Variants in CCDC195 observed in about 807,000 individuals in gnomAD.
The protein encoded by CCDC195 is coiled-coil domain containing 195, also known as coiled-coil domain-containing protein 195.
At chr2:224,707,300 A>G (rs1689228011) in intron 2 of CCDC195, among the ~76,000 whole-genome samples, 1 of 152,254 alleles carries the variant, frequency 6.6e-6, no homozygotes, top group Non-Finnish European at 1.5e-5. Flanking sequence ...GGAATCGGGT[A>G]GAAGGCCACC....
chr2:224,710,619 CAA>C (rs886284149), intron 1 of CCDC195, among the ~76,000 whole-genome samples: 11 of 152,204 alleles, frequency 7.2e-5, no homozygotes, highest in Admixed American at 3.9e-4. Flanking sequence ...GCCTGGGTGA[CAA>C]GAGGGAAACT....
chr2:224,710,003 C>T (rs892595701), exon 2 of CCDC195: 3 of 398,484 alleles, frequency 7.5e-6, no homozygotes, highest in African/African-American at 6.2e-5. Flanking sequence ...AGGAGAAGCT[C>T]TTTGGCTGGT....
chr2:224,706,667 C>T (rs1033584203), intron 2 of CCDC195, among the ~76,000 whole-genome samples: 8 of 151,012 alleles, frequency 5.3e-5, no homozygotes, highest in South Asian at 2.1e-4. Context: ...CCCACCACCA[C>T]GCCTGGCTAA....
intron 1 of CCDC195, among the ~76,000 whole-genome samples, chr2:224,711,794 G>A (rs958571310): frequency 1.3e-5 from 2 of 152,208 alleles, no homozygotes; most frequent in African/African-American, 4.8e-5. Flanking sequence ...GGTGGAGGCT[G>A]TTTCGGCTTT....
chr2:224,710,785 C>G (rs1404262046), intron 1 of CCDC195, among the ~76,000 whole-genome samples: 1 of 152,138 alleles, frequency 6.6e-6, no homozygotes, highest in African/African-American at 2.4e-5. Flanking sequence ...ATGTGGAAGA[C>G]AGACAGTAAA....
At chr2:224,712,559 G>A (rs1038651588) in intron 1 of CCDC195, among the ~76,000 whole-genome samples, 2 of 152,062 alleles carry the variant, frequency 1.3e-5, no homozygotes, top group Non-Finnish European at 2.9e-5. Flanking sequence ...GTGACTTCAG[G>A]GGAAGTAGGG....
chr2:224,703,912 G>T lies in CCDC195; in HGVS notation c.483-25C>A, dbSNP rs191015469. The stretch of plus-strand genomic sequence containing the variant: ...CCTACAGGAAGCAAAATAAAGGGAA[G>T]AAAAAGACTTTTTAGTGAGACTTTA... On this transcript the variant is annotated intron_variant, in intron 2 of 2. Transcript: ENST00000638102. 1.6e-4 allele frequency: 64 copies of T among 398,396 alleles called. 1 individual carries two copies. The highest frequency in any genetic ancestry group is 1.2e-3 in the African/African-American group (59 of 48,720). 24.7% of individuals were successfully genotyped at this position (398,396 alleles called of 1,614,324 possible). A position where few individuals can be genotyped will look rare whatever the true frequency, so the allele number is the denominator to read the frequency against.
At chr2:224,704,784 G>A (rs1224396678) in intron 2 of CCDC195, among the ~76,000 whole-genome samples, 1 of 151,994 alleles carries the variant, frequency 6.6e-6, no homozygotes, top group Non-Finnish European at 1.5e-5. Context: ...CACCATGCTG[G>A]CTAATTTTTG....
chr2:224,716,173 C>G, exon 1 of CCDC195: 1 of 398,702 alleles, frequency 2.5e-6, no homozygotes, highest in Non-Finnish European at 4.4e-6. Context: ...GTGGAAACGG[C>G]ACCCTGAAGG....
chr2:224,710,768 CCTT>C (rs1288302516), intron 1 of CCDC195, among the ~76,000 whole-genome samples: 1 of 152,188 alleles, frequency 6.6e-6, no homozygotes, highest in Non-Finnish European at 1.5e-5. Flanking sequence ...CCAGAGTTCA[CCTT>C]CTTATGTGGA....
At chr2:224,709,892 G>T (rs913569315) in intron 2 of CCDC195, 81 bp downstream of exon 2, 2 of 397,994 alleles carry the variant, frequency 5.0e-6, no homozygotes, top group African/African-American at 2.1e-5. Context: ...CACTAGATAA[G>T]ACTTCATTTA....
exon 2 of CCDC195, chr2:224,710,010 T>G (rs1232582542): frequency 7.5e-6 from 3 of 398,518 alleles, no homozygotes; most frequent in African/African-American, 2.1e-5. Flanking sequence ...GCTCTTTGGC[T>G]GGTCCTATTG....
chr2:224,714,967 T>C (rs1360442340), intron 1 of CCDC195, among the ~76,000 whole-genome samples: 1 of 152,066 alleles, frequency 6.6e-6, no homozygotes, highest in African/African-American at 2.4e-5. Context: ...TCTCACTCTG[T>C]TGCCAGGCTG....
intron 2 of CCDC195, among the ~76,000 whole-genome samples, chr2:224,704,610 C>CTTTTTTTTTTTTT (rs55801561): frequency 3.6e-5 from 4 of 110,642 alleles, no homozygotes; most frequent in Non-Finnish European, 7.0e-5. Flanking sequence ...CTTTTCTTTT[C>CTTTTTTTTTTTTT]TTTTTTTTTT....
At chr2:224,706,607 T>A in intron 2 of CCDC195, among the ~76,000 whole-genome samples, 1 of 147,402 alleles carries the variant, frequency 6.8e-6, no homozygotes, top group Non-Finnish European at 1.5e-5. Flanking sequence ...GCCTCCCAGG[T>A]TCAAGCGATT....
At chr2:224,714,927 T>G (rs1191187132) in intron 1 of CCDC195, among the ~76,000 whole-genome samples, 3 of 152,186 alleles carry the variant, frequency 2.0e-5, no homozygotes, top group African/African-American at 7.2e-5. Flanking sequence ...GAGCTTCTTT[T>G]TTTTTCCTTT....
chr2:224,708,726 C>G (rs1689261315), intron 2 of CCDC195, among the ~76,000 whole-genome samples: 1 of 152,216 alleles, frequency 6.6e-6, no homozygotes, highest in Non-Finnish European at 1.5e-5. Flanking sequence ...CCTGCCACTG[C>G]TGAGTTCGAT....
chr2:224,706,189 CTTTTTTTTTTTTTTT>C (rs201012911), intron 2 of CCDC195, among the ~76,000 whole-genome samples: 22 of 33,360 alleles, frequency 6.6e-4, no homozygotes, highest in African/African-American at 3.0e-3. Context: ...TATTTTGTAA[CTTTTTTTTTTTTTTT>C]TTTTTTTTTT....
chr2:224,709,178 TC>T lies in CCDC195; in HGVS notation c.482+794del, dbSNP rs754452461. 5.8e-5 allele frequency among the ~76,000 whole-genome samples: 8 copies of T among 137,604 alleles called. No individual in the cohort carries two copies. In the East Asian group the frequency reaches 2.0e-3, roughly 34 times the overall value. The allele number at this position is 137,604 out of a possible 152,430, so 90.3% of individuals were successfully genotyped here. A position where few individuals can be genotyped will look rare whatever the true frequency, so the allele number is the denominator to read the frequency against. The stretch of plus-strand genomic sequence containing the variant: ...ATCTCGGCTCACTGCAACCTCTGCC[TC>T]CCAGGTTCAAGTGATTCTCCTGCCT... On this transcript the variant is annotated intron_variant, in intron 2 of 2. Coordinates refer to ENST00000638102, the Ensembl canonical transcript of CCDC195.
Sources: gnomAD v4.1 joint callset for allele counts (sites outside exome capture counted in the v4.1 genomes callset) on GRCh38, gnomAD v4.1.1 for gene constraint, MANE v1.5 for transcripts, NCBI Gene and HGNC (gene_info 2026-07-23, HGNC 2026-07-21) for gene names.